The following TCFL5 variants were observed in gnomAD, a reference collection of about 807,000 sequenced individuals.
TCFL5 encodes transcription factor like 5.
Under a neutral mutation model 44.3 loss-of-function variants are expected in TCFL5, and 9 were observed. The ratio of observed to expected loss-of-function variants is 0.20; its 90% CI spans 0.12 to 0.35. The LOEUF is 0.35. TCFL5 is among the 10% of genes least tolerant of loss of function. TCFL5 has a pLI of 1.00. For missense variants in TCFL5, 603 were observed against 613.4 expected, an observed-to-expected ratio of 0.98 and a Z score of 0.18; for synonymous variants, 319 against 271.6, an observed-to-expected ratio of 1.17 and a Z score of -1.72.
intron 5 of TCFL5, among the ~76,000 whole-genome samples, chr20:62,847,181 CAA>C (rs11351521): frequency 0.27 from 26,619 of 100,022 alleles, 2,517 homozygotes; most frequent in Middle Eastern, 0.37. Context: ...AACTTCATCT[CAA>C]AAAAAAAAAA....
chr20:62,846,766 G>GGAA (rs1555828094), intron 5 of TCFL5, among the ~76,000 whole-genome samples: 1,783 of 129,074 alleles, frequency 0.014, 29 homozygotes, highest in African/African-American at 0.049. Flanking sequence ...CCCTCGCTGG[G>GGAA]AAAAAAAAAA....
chr20:62,846,033 G>T, intron 5 of TCFL5: 1 of 1,358,276 alleles, frequency 7.4e-7, no homozygotes, highest in Non-Finnish European at 9.8e-7. Context: ...CTGTAGGCGT[G>T]TTGTGGATTC....
At chr20:62,856,774 T>C (rs1294468519) in intron 4 of TCFL5, among the ~76,000 whole-genome samples, 4 of 147,840 alleles carry the variant, frequency 2.7e-5, no homozygotes, top group Non-Finnish European at 4.4e-5. Flanking sequence ...AAGCAGCAGT[T>C]ACCAAAACAG....
At chr20:62,856,745 T>G (rs56276627) in intron 4 of TCFL5, among the ~76,000 whole-genome samples, 19,432 of 148,652 alleles carry the variant, frequency 0.13, 1,740 homozygotes, top group Non-Finnish European at 0.19. Flanking sequence ...CAAAACTTGC[T>G]GAACTCAAGC....
At chr20:62,849,459 T>G (rs2063781919) in intron 5 of TCFL5, among the ~76,000 whole-genome samples, 1 of 152,276 alleles carries the variant, frequency 6.6e-6, no homozygotes, top group Admixed American at 6.5e-5. Flanking sequence ...AGTTAATAAC[T>G]GTGGGGGGGA....
At chr20:62,850,564 A>AT (rs1306112848) in intron 5 of TCFL5, among the ~76,000 whole-genome samples, 1 of 152,124 alleles carries the variant, frequency 6.6e-6, no homozygotes, top group African/African-American at 2.4e-5. Context: ...TCGCCCGGCA[A>AT]GCCACATCTT....
chr20:62,855,031 C>T (rs2147275125), intron 4 of TCFL5, among the ~76,000 whole-genome samples: 1 of 152,278 alleles, frequency 6.6e-6, no homozygotes, highest in African/African-American at 2.4e-5. Context: ...TTCCACATAG[C>T]AGGTACTCAA....
At chr20:62,847,893 T>C (rs369821609) in intron 5 of TCFL5, among the ~76,000 whole-genome samples, 3 of 152,192 alleles carry the variant, frequency 2.0e-5, no homozygotes, top group East Asian at 1.9e-4. Context: ...CCAAACGGCA[T>C]GGGAGGCCAT....
chr20:62,846,726 G>A (rs550825632), intron 5 of TCFL5, among the ~76,000 whole-genome samples: 3 of 145,876 alleles, frequency 2.1e-5, no homozygotes, highest in East Asian at 2.0e-4. Flanking sequence ...TGGTTGCACC[G>A]CACTCCAGCC....
At chr20:62,851,842 C>G (rs2063814220) in intron 5 of TCFL5, 2 of 984,424 alleles carry the variant, frequency 2.0e-6, no homozygotes, top group Non-Finnish European at 2.4e-6. Flanking sequence ...TGGAGTCTCG[C>G]TCTGTCACCC....
intron 5 of TCFL5, among the ~76,000 whole-genome samples, chr20:62,853,435 C>T (rs941188705): frequency 6.6e-6 from 1 of 152,026 alleles, no homozygotes; most frequent in Non-Finnish European, 1.5e-5. Flanking sequence ...CAGCCTCGAC[C>T]TCCCTGGCTC....
chr20:62,859,608 A>G (rs1225220358), intron 2 of TCFL5, 82 bp from the exon 3 acceptor site: 5 of 1,273,376 alleles, frequency 3.9e-6, no homozygotes, highest in Admixed American at 2.6e-5. Context: ...TGCACTTAAC[A>G]AACATCAAAA....
chr20:62,860,977 T>C (rs1216756657), intron 1 of TCFL5, 47 bp downstream of exon 1: 70 of 988,016 alleles, frequency 7.1e-5, no homozygotes, highest in African/African-American at 1.2e-4. Context: ...GGCCCCGGCC[T>C]CGGCCTCCAC....
At chr20:62,859,616 A>C (rs2063954512) in intron 2 of TCFL5, 90 bp from the exon 3 acceptor site, 2 of 1,222,778 alleles carry the variant, frequency 1.6e-6, no homozygotes, top group Non-Finnish European at 2.3e-6. Flanking sequence ...ACAAACATCA[A>C]AACTACTAAC....
chr20:62,853,884 T>C (rs3765464), intron 5 of TCFL5, 132 bp downstream of exon 5: 83,648 of 930,138 alleles, frequency 0.09, 4,851 homozygotes, highest in African/African-American at 0.24. Flanking sequence ...AGAGCTTTGC[T>C]CATACTGGAC....
At position 62,861,216 on chromosome 20, in the gene TCFL5, G is replaced by A. The variant is rs1226224956; in HGVS notation, c.455C>T (p.Ala152Val). ...KTSGGGDGAR[A>V]RADGAAKEGA... ...CTCCTTGGCGGCGCCGTCGGCCCGG[G>A]CCCTCGCTCCGTCCCCGCCGCCCGA... The change falls in exon 1 of 6, where the codon GCC (alanine) becomes GTC (valine). Residue 152 changes from alanine (A) to valine (V), a missense_variant. Physicochemically the swap from Ala to Val is moderately conservative, Grantham distance 64. This residue lies in a region of TCFL5 where 540 missense variants were observed against 478.7 expected (regional missense o/e 1.13). Transcript: ENST00000335351. This position sits in a 1 kb window ranked among gnomAD's most constrained non-coding sequence, Gnocchi z 4.0. 15 of 1,125,906 alleles carry A rather than the reference G, an allele frequency of 1.3e-5. No homozygotes were observed. The highest frequency in any genetic ancestry group is 1.4e-5 in the Non-Finnish European group (13 of 911,530). The allele number at this position is 1,125,906 out of a possible 1,614,324, so 69.7% of individuals were successfully genotyped here.
At chr20:62,860,759 G>A (rs2063985086) in intron 1 of TCFL5, among the ~76,000 whole-genome samples, 1 of 152,206 alleles carries the variant, frequency 6.6e-6, no homozygotes, top group South Asian at 2.1e-4. Context: ...ATGGTTCCCA[G>A]GAATTCTGCG....
intron 5 of TCFL5, chr20:62,852,741 G>A (rs1450415815): frequency 7.8e-7 from 1 of 1,277,268 alleles, no homozygotes; most frequent in Non-Finnish European, 1.0e-6. Flanking sequence ...CAGAAGCATA[G>A]TCACCTGGTC....
intron 4 of TCFL5, among the ~76,000 whole-genome samples, chr20:62,856,575 A>G (rs1256648288): frequency 2.6e-5 from 4 of 151,456 alleles, no homozygotes; most frequent in Non-Finnish European, 5.9e-5. Flanking sequence ...GTGTGGTGGC[A>G]GGCGCCTGTA....
Sources: gnomAD v4.1 joint callset for allele counts (sites outside exome capture counted in the v4.1 genomes callset) on GRCh38, gnomAD v4.1.1 for gene constraint, gnomAD v4.1.1 regional missense constraint, Gnocchi (gnomAD v3.1) non-coding constraint, MANE v1.5 for transcripts, NCBI Gene and HGNC (gene_info 2026-07-23, HGNC 2026-07-21) for gene names.